GRM7: variants seen among roughly 807,000 people sequenced by gnomAD.
GRM7 encodes the protein metabotropic glutamate receptor 7.
In GRM7, 35 loss-of-function variants were observed where a neutral mutation model predicts 84.5. That is an observed-to-expected ratio of 0.41 (90% CI 0.32 to 0.55). The LOEUF (loss-of-function observed/expected upper bound fraction) is 0.55, where lower values mean the gene tolerates loss of function less well. GRM7 is among the 20% of genes least tolerant of loss of function. GRM7 has a pLI of 0.19. For synonymous variants in GRM7, 487 were observed against 455.1 expected, an observed-to-expected ratio of 1.07 and a Z score of -0.89; for missense variants, 1,003 against 1,194.6, an observed-to-expected ratio of 0.84 and a Z score of 2.36.
At position 6,904,639 on chromosome 3, in the gene GRM7, T is replaced by C. The variant is rs1696503004; in HGVS notation, c.519+42732T>C. Among the ~76,000 whole-genome samples the C allele has an allele frequency of 2.6e-5, 4 of 152,166 alleles. No homozygotes were observed. The South Asian group carries it at 8.3e-4, about 32-fold the overall frequency. Reference sequence around the variant, plus strand: ...TACTTCCTATCTTTATATAGTTCTATTTCTAGACCATCTGTTTAGTTGCAT... The same window carrying C: ...TACTTCCTATCTTTATATAGTTCTACTTCTAGACCATCTGTTTAGTTGCAT... On this transcript the variant is annotated intron_variant, in intron 1 of 9. Transcript: ENST00000357716.
intron 1 of GRM7, among the ~76,000 whole-genome samples, chr3:7,079,321 A>G (rs138784944): frequency 6.6e-6 from 1 of 152,248 alleles, no homozygotes; most frequent in African/African-American, 2.4e-5. Context: ...AAATGAGAAT[A>G]ATGCTGGTTC....
intron 9 of GRM7, among the ~76,000 whole-genome samples, chr3:7,709,595 GT>G (rs113311959): frequency 0.011 from 1,676 of 152,232 alleles, 43 homozygotes; most frequent in African/African-American, 0.039. Context: ...TCAACCACAA[GT>G]TCCCCATCAT....
chr3:7,634,404 G>A (rs1697980591), intron 8 of GRM7, among the ~76,000 whole-genome samples: 1 of 141,960 alleles, frequency 7.0e-6, no homozygotes, highest in South Asian at 2.2e-4. Flanking sequence ...CAAACTGAAA[G>A]CGTATACCAT....
intron 1 of GRM7, among the ~76,000 whole-genome samples, chr3:7,100,926 A>C (rs1158002986): frequency 6.6e-6 from 1 of 151,696 alleles, no homozygotes; most frequent in Non-Finnish European, 1.5e-5. Context: ...TGTGTGCATT[A>C]GCAGTTTGTT....
chr3:7,661,252 C>T (rs1051841277), intron 8 of GRM7, among the ~76,000 whole-genome samples: 1 of 152,124 alleles, frequency 6.6e-6, no homozygotes, highest in African/African-American at 2.4e-5. Flanking sequence ...CAAATTTTAG[C>T]AAGAGGCCAA....
intron 9 of GRM7, among the ~76,000 whole-genome samples, chr3:7,704,898 G>A (rs192108369): frequency 1.3e-5 from 2 of 152,202 alleles, no homozygotes; most frequent in Admixed American, 6.5e-5. Flanking sequence ...CATGCTTTAC[G>A]GCAGAATGGC....
chr3:6,990,517 C>A (rs567826148), intron 1 of GRM7, among the ~76,000 whole-genome samples: 1 of 152,088 alleles, frequency 6.6e-6, no homozygotes, highest in Admixed American at 6.5e-5. Context: ...TTATTACTAT[C>A]GACATGGCTC....
chr3:7,598,270 T>A (rs554194480), intron 8 of GRM7, among the ~76,000 whole-genome samples: 51 of 152,332 alleles, frequency 3.3e-4, no homozygotes, highest in South Asian at 8.3e-4. Flanking sequence ...ATCCTCTAGC[T>A]GTGCTATTTG....
At chr3:7,603,290 C>G (rs756890558) in intron 8 of GRM7, among the ~76,000 whole-genome samples, 4 of 152,076 alleles carry the variant, frequency 2.6e-5, no homozygotes, top group Non-Finnish European at 5.9e-5. Flanking sequence ...GCACTCAAGT[C>G]CACATGCCTG....
At position 7,301,549 on chromosome 3, in the gene GRM7, C is replaced by G. The variant is rs761459946; in HGVS notation, c.878+2724C>G. Reference sequence around the variant, plus strand: ...CATAAAAGATGTATGGCAATTAGTTCTGGTAACTAATTGGTTATAATACTG... The same window carrying G: ...CATAAAAGATGTATGGCAATTAGTTGTGGTAACTAATTGGTTATAATACTG... On this transcript the variant is annotated intron_variant, in intron 3 of 9. Coordinates refer to ENST00000357716, the MANE Select transcript of GRM7 (RefSeq NM_000844.4). Among the ~76,000 whole-genome samples the G allele has an allele frequency of 2.6e-5, 4 of 152,048 alleles. No homozygotes were observed. The South Asian group carries it at 8.3e-4, about 31-fold the overall frequency.
chr3:7,370,021 T>G (rs1694066389), intron 4 of GRM7, among the ~76,000 whole-genome samples: 1 of 152,088 alleles, frequency 6.6e-6, no homozygotes, highest in South Asian at 2.1e-4. Flanking sequence ...GCAAGGCAAG[T>G]GTTGATTCCA....
chr3:7,647,776 A>T (rs958303435), intron 8 of GRM7, among the ~76,000 whole-genome samples: 1 of 152,102 alleles, frequency 6.6e-6, no homozygotes, highest in Admixed American at 6.6e-5. Flanking sequence ...GGGTAGGGAG[A>T]GGAATGGAGG....
chr3:7,686,381 G>T, intron 9 of GRM7: 1 of 1,507,434 alleles, frequency 6.6e-7, no homozygotes, highest in Non-Finnish European at 9.2e-7. Flanking sequence ...GTAAGAAAGA[G>T]TGTACAAAAG....
chr3:7,254,393 A>G (rs567264095), intron 2 of GRM7, among the ~76,000 whole-genome samples: 3 of 152,368 alleles, frequency 2.0e-5, no homozygotes, highest in South Asian at 2.1e-4. Flanking sequence ...TGTTTACTGA[A>G]CACTCAGAAT....
chr3:7,293,057 C>T (rs1699692309), intron 2 of GRM7, among the ~76,000 whole-genome samples: 1 of 146,760 alleles, frequency 6.8e-6, no homozygotes, highest in African/African-American at 2.6e-5. Flanking sequence ...AAAAATTGAG[C>T]TTTTCTTATA....
intron 4 of GRM7, among the ~76,000 whole-genome samples, chr3:7,346,359 C>A (rs1262594222): frequency 6.6e-6 from 1 of 152,056 alleles, no homozygotes; most frequent in Non-Finnish European, 1.5e-5. Flanking sequence ...AAAAGTCATC[C>A]GAAGGTCTTC....
intron 1 of GRM7, among the ~76,000 whole-genome samples, chr3:7,104,095 T>A (rs572074934): frequency 6.6e-6 from 1 of 151,668 alleles, no homozygotes; most frequent in South Asian, 2.1e-4. Context: ...AGGGTAGTCG[T>A]CTTATGATGG....
At chr3:7,296,986 T>C (rs1190394231) in intron 2 of GRM7, among the ~76,000 whole-genome samples, 1 of 152,080 alleles carries the variant, frequency 6.6e-6, no homozygotes, top group Non-Finnish European at 1.5e-5. Context: ...TTCTCTATTA[T>C]ATTTGTTTTC....
rs569651822 is a variant in GRM7, at chr3:7,437,584, A to G, written c.1175-15023A>G. Among the ~76,000 whole-genome samples the G allele has an allele frequency of 2.0e-5, 3 of 152,218 alleles. No homozygotes were observed. The East Asian group carries it at 5.8e-4, about 29-fold the overall frequency. On this transcript the variant is annotated intron_variant, in intron 5 of 9. Transcript: ENST00000357716. The stretch of plus-strand genomic sequence containing the variant: ...TGGTCTTCTTCATTTCTTAACTCAT[A>G]ATGTTTATTGTCTCTATTATTTCTT...
Sources: allele counts gnomAD v4.1 joint callset (sites outside exome capture counted in the v4.1 genomes callset), GRCh38; gene constraint gnomAD v4.1.1; transcripts MANE v1.5; gene names NCBI Gene and HGNC (gene_info 2026-07-23, HGNC 2026-07-21).